Variants in PTPRK observed in about 807,000 individuals in gnomAD.
The protein encoded by PTPRK is protein tyrosine phosphatase receptor type K.
A neutral mutation model predicts 178.0 loss-of-function variants in PTPRK; 75 were observed. The ratio of observed to expected loss-of-function variants is 0.42; its 90% confidence interval spans 0.35 to 0.51. PTPRK has a LOEUF of 0.51. Ranked by LOEUF, PTPRK falls within the 20% of genes least tolerant of loss-of-function variation. The pLI is 0.02. For synonymous variants in PTPRK, 637 were observed against 620.6 expected (o/e 1.03, Z -0.39); for missense variants, 1,441 against 1,797.8 (o/e 0.80, Z 3.59).
At chr6:128,120,892 T>C (rs1397085589) in intron 7 of PTPRK, among the ~76,000 whole-genome samples, 4 of 152,084 alleles carry the variant, frequency 2.6e-5, no homozygotes, top group South Asian at 4.1e-4. Flanking sequence ...AAGAGGACTA[T>C]AGCACAATAA....
chr6:128,345,112 G>A (rs115537950), intron 2 of PTPRK, among the ~76,000 whole-genome samples: 146 of 151,484 alleles, frequency 9.6e-4, no homozygotes, highest in African/African-American at 3.4e-3. Context: ...AGAAGTCAGA[G>A]AGAGTTCTTT....
At chr6:128,178,990 A>C (rs571857571) in intron 7 of PTPRK, among the ~76,000 whole-genome samples, 1 of 151,952 alleles carries the variant, frequency 6.6e-6, no homozygotes, top group East Asian at 1.9e-4. Context: ...TATCCATTAG[A>C]GGTAGATCAT....
At chr6:128,413,106 T>C (rs1485136606) in intron 1 of PTPRK, among the ~76,000 whole-genome samples, 1 of 152,210 alleles carries the variant, frequency 6.6e-6, no homozygotes, top group Non-Finnish European at 1.5e-5. Context: ...TTTAGTTTAC[T>C]AGAACCAGCT....
chr6:128,237,008 A>G (rs1813407966), intron 5 of PTPRK, among the ~76,000 whole-genome samples: 1 of 152,198 alleles, frequency 6.6e-6, no homozygotes, highest in African/African-American at 2.4e-5. Flanking sequence ...AACAAAAACG[A>G]CTGATATATT....
At chr6:128,157,352 G>T (rs1339232098) in intron 7 of PTPRK, among the ~76,000 whole-genome samples, 1 of 151,922 alleles carries the variant, frequency 6.6e-6, no homozygotes, top group Non-Finnish European at 1.5e-5. Context: ...ACATATACAT[G>T]AGATTATTTT....
At chr6:128,316,329 A>G (rs1386878141) in intron 3 of PTPRK, among the ~76,000 whole-genome samples, 3 of 152,200 alleles carry the variant, frequency 2.0e-5, no homozygotes, top group Non-Finnish European at 2.9e-5. Context: ...GTAAGAAAAA[A>G]TCATGCATTG....
At chr6:128,515,836 G>A (rs1173252847) in intron 1 of PTPRK, among the ~76,000 whole-genome samples, 1 of 152,136 alleles carries the variant, frequency 6.6e-6, no homozygotes, top group Non-Finnish European at 1.5e-5. Flanking sequence ...GGGGAAATGG[G>A]AGCAGCACAG....
At chr6:128,092,770 A>C (rs931188351) in intron 7 of PTPRK, among the ~76,000 whole-genome samples, 5 of 152,174 alleles carry the variant, frequency 3.3e-5, no homozygotes, top group African/African-American at 1.2e-4. Context: ...TCCAACAATA[A>C]AGTTGCCTAA....
At chr6:128,398,805 A>G (rs1390967953) in intron 1 of PTPRK, among the ~76,000 whole-genome samples, 1 of 152,182 alleles carries the variant, frequency 6.6e-6, no homozygotes, top group African/African-American at 2.4e-5. Flanking sequence ...ACTTTATTTA[A>G]TAACTTGGTC....
chr6:128,050,728 A>C (rs1778858339), intron 13 of PTPRK, among the ~76,000 whole-genome samples: 1 of 152,154 alleles, frequency 6.6e-6, no homozygotes, highest in Non-Finnish European at 1.5e-5. Context: ...TTTTTATAGA[A>C]ATAGGTCTTG....
chr6:128,490,193 G>A (rs1443698145), intron 1 of PTPRK, among the ~76,000 whole-genome samples: 1 of 151,956 alleles, frequency 6.6e-6, no homozygotes, highest in Non-Finnish European at 1.5e-5. Context: ...GACTACAAAA[G>A]CATTCTTTTA....
intron 2 of PTPRK, among the ~76,000 whole-genome samples, chr6:128,376,652 T>C (rs1441156068): frequency 6.6e-6 from 1 of 152,208 alleles, no homozygotes; most frequent in East Asian, 1.9e-4. Context: ...AAATGAGATT[T>C]TCTTTTCTAT....
chr6:128,274,515 G>A (rs1820413295), intron 3 of PTPRK, among the ~76,000 whole-genome samples: 3 of 151,610 alleles, frequency 2.0e-5, no homozygotes, highest in Admixed American at 1.3e-4. Flanking sequence ...CTACTTTCCG[G>A]GATCTACAAT....
At chr6:128,355,909 C>T (rs1833894082) in intron 2 of PTPRK, among the ~76,000 whole-genome samples, 1 of 152,210 alleles carries the variant, frequency 6.6e-6, no homozygotes. Flanking sequence ...AAGAATGCTG[C>T]TGAGTGCAGT....
intron 3 of PTPRK, among the ~76,000 whole-genome samples, chr6:128,294,016 T>A (rs1562224327): frequency 6.6e-6 from 1 of 152,248 alleles, no homozygotes; most frequent in East Asian, 1.9e-4. Context: ...TGTAGATGAT[T>A]CTTTTTTCTT....
At chr6:128,513,188 G>C (rs9321121) in intron 1 of PTPRK, among the ~76,000 whole-genome samples, 5,870 of 152,042 alleles carry the variant, frequency 0.039, 378 homozygotes, top group African/African-American at 0.13. Context: ...ATATTGATCA[G>C]AAATATACTC....
intron 7 of PTPRK, among the ~76,000 whole-genome samples, chr6:128,129,843 G>A (rs768151850): frequency 6.6e-6 from 1 of 152,136 alleles, no homozygotes; most frequent in Non-Finnish European, 1.5e-5. Context: ...ACAGCTAGAT[G>A]TGTCATCATG....
At chr6:128,375,501 T>C (rs1477366195) in intron 2 of PTPRK, among the ~76,000 whole-genome samples, 2 of 151,892 alleles carry the variant, frequency 1.3e-5, no homozygotes, top group East Asian at 3.9e-4. Flanking sequence ...TCCCACTGGG[T>C]CCCTCCCACA....
At chr6:128,242,384 A>C in intron 4 of PTPRK, 137 bp downstream of exon 4, 1 of 1,174,616 alleles carries the variant, frequency 8.5e-7, no homozygotes, top group Non-Finnish European at 1.1e-6. Flanking sequence ...GTTTCCTTTT[A>C]AAACTCAATA....
Sources: gnomAD v4.1 joint callset for allele counts (sites outside exome capture counted in the v4.1 genomes callset) on GRCh38, gnomAD v4.1.1 for gene constraint, MANE v1.5 for transcripts, NCBI Gene and HGNC (gene_info 2026-07-23, HGNC 2026-07-21) for gene names.